Variants in AKT3 observed in about 807,000 individuals in gnomAD.
AKT3 encodes the protein AKT serine/threonine kinase 3, also known as RAC-gamma serine/threonine-protein kinase.
AKT3 carries 15 observed loss-of-function variants against 65.3 expected under a neutral mutation model. The observed-to-expected ratio is 0.23, with a 90% confidence interval of 0.15 to 0.35. AKT3 has a LOEUF of 0.35. Among genes scored for constraint, AKT3 ranks in the 10% least tolerant of loss-of-function variants. The pLI, the probability that AKT3 is intolerant of heterozygous loss-of-function variation, is 1.00. For synonymous variants in AKT3, 206 were observed against 183.8 expected (o/e 1.12, Z -0.98); for missense variants, 243 against 576.5 (o/e 0.42, Z 5.92).
chr1:243,768,100 A>G (rs1689944372), intron 2 of AKT3, among the ~76,000 whole-genome samples: 2 of 151,288 alleles, frequency 1.3e-5, no homozygotes, highest in African/African-American at 4.8e-5. Context: ...AATATTTAGA[A>G]TCAAAAAATA....
chr1:243,568,064 T>G (rs1674298448), intron 9 of AKT3, among the ~76,000 whole-genome samples: 1 of 152,220 alleles, frequency 6.6e-6, no homozygotes, highest in African/African-American at 2.4e-5. Flanking sequence ...CATACATTTT[T>G]AGGAATCTTT....
At chr1:243,587,730 T>C (rs781543444) in intron 8 of AKT3, among the ~76,000 whole-genome samples, 1 of 152,162 alleles carries the variant, frequency 6.6e-6, no homozygotes, top group Non-Finnish European at 1.5e-5. Flanking sequence ...TCCAACCAGG[T>C]TGAAGAAAAA....
intron 2 of AKT3, among the ~76,000 whole-genome samples, chr1:243,772,849 A>G (rs1419624200): frequency 1.3e-5 from 2 of 152,088 alleles, no homozygotes; most frequent in Non-Finnish European, 2.9e-5. Context: ...ATGGAATACT[A>G]TGCAGCCATA....
intron 2 of AKT3, among the ~76,000 whole-genome samples, chr1:243,732,409 C>T (rs1439036310): frequency 3.3e-5 from 5 of 152,296 alleles, no homozygotes; most frequent in South Asian, 4.1e-4. Context: ...GCTGACTGGA[C>T]GTTTCTCAAT....
chr1:243,825,099 G>A (rs961447148), intron 2 of AKT3, among the ~76,000 whole-genome samples: 4 of 152,182 alleles, frequency 2.6e-5, no homozygotes, highest in African/African-American at 9.7e-5. Context: ...CACGTCCTTT[G>A]CAGGAGCATG....
intron 2 of AKT3, among the ~76,000 whole-genome samples, chr1:243,741,014 C>A (rs1457006790): frequency 2.6e-5 from 4 of 152,032 alleles, no homozygotes; most frequent in Non-Finnish European, 4.4e-5. Context: ...CTATGAAATA[C>A]CTGGAAATCT....
At chr1:243,579,601 T>C (rs1011206315) in intron 8 of AKT3, among the ~76,000 whole-genome samples, 7 of 152,050 alleles carry the variant, frequency 4.6e-5, no homozygotes, top group Non-Finnish European at 8.8e-5. Context: ...ACCATTCCTT[T>C]AAAAAAATGG....
At chr1:243,791,671 A>G (rs895907708) in intron 2 of AKT3, among the ~76,000 whole-genome samples, 4 of 152,196 alleles carry the variant, frequency 2.6e-5, no homozygotes, top group African/African-American at 7.2e-5. Flanking sequence ...TTCCCTCGTC[A>G]ACAATTCAGG....
At chr1:243,667,153 T>G (rs561257593) in intron 3 of AKT3, among the ~76,000 whole-genome samples, 45 of 152,320 alleles carry the variant, frequency 3.0e-4, no homozygotes, top group Admixed American at 5.2e-4. Flanking sequence ...TGAACTACTG[T>G]AAGTGGGAGA....
At position 243,501,103 on chromosome 1, in the gene AKT3, T is replaced by TCTGCTTG. The variant is rs1203429346; in HGVS notation, c.*4145_*4146insCAAGCAG. 8.7e-6 allele frequency: 2 copies of TCTGCTTG among 231,128 alleles called. No homozygotes were observed. The highest frequency in any genetic ancestry group is 4.4e-5 in the African/African-American group (2 of 45,240). The allele number at this position is 231,128 out of a possible 1,614,324, so 14.3% of individuals were successfully genotyped here. A position where few individuals can be genotyped will look rare whatever the true frequency, so the allele number is the denominator to read the frequency against. The stretch of plus-strand genomic sequence containing the variant: ...CAAATTTGGCCGTGTGACATACACA[T>TCTGCTTG]ACATGCTTGACTCACTCTGGTCCCA... On this transcript the variant is annotated 3_prime_UTR_variant, in exon 14 of 14. Coordinates refer to ENST00000673466, the MANE Select transcript of AKT3 (RefSeq NM_005465.7).
chr1:243,544,068 C>T (rs1390384920), intron 12 of AKT3, among the ~76,000 whole-genome samples: 1 of 151,736 alleles, frequency 6.6e-6, no homozygotes. Flanking sequence ...ATAAATGTTT[C>T]AGAGAAAAAT....
chr1:243,845,077 T>C (rs1695454512), intron 1 of AKT3, among the ~76,000 whole-genome samples: 1 of 152,184 alleles, frequency 6.6e-6, no homozygotes, highest in Non-Finnish European at 1.5e-5. Context: ...AAGTTCAGTG[T>C]TAGACTCCCA....
At chr1:243,850,986 C>G (rs1695764064), upstream of AKT3, 1 of 152,182 alleles carries the variant, frequency 6.6e-6, no homozygotes, top group African/African-American at 2.4e-5. Flanking sequence ...CGCCAGGCCC[C>G]GGGCGTCTCC....
intron 2 of AKT3, among the ~76,000 whole-genome samples, chr1:243,802,015 T>G (rs965594373): frequency 6.6e-6 from 1 of 152,192 alleles, no homozygotes; most frequent in Admixed American, 6.5e-5. Context: ...GGCTAATATA[T>G]ATGGAAAATA....
chr1:243,715,677 T>C (rs1158068836), intron 2 of AKT3, among the ~76,000 whole-genome samples: 1 of 151,998 alleles, frequency 6.6e-6, no homozygotes, highest in Admixed American at 6.6e-5. Context: ...TCTTGTTAAA[T>C]AAACGAGGGA....
chr1:243,569,626 T>C (rs975228478), intron 9 of AKT3, among the ~76,000 whole-genome samples: 1 of 152,210 alleles, frequency 6.6e-6, no homozygotes, highest in African/African-American at 2.4e-5. Flanking sequence ...TACCTAAATT[T>C]ATTTGGTGCT....
chr1:243,826,722 A>G (rs922162063), intron 2 of AKT3, among the ~76,000 whole-genome samples: 3 of 152,128 alleles, frequency 2.0e-5, no homozygotes, highest in Non-Finnish European at 4.4e-5. Context: ...CCGCCCACCT[A>G]TACCCTTAAG....
intron 6 of AKT3, among the ~76,000 whole-genome samples, chr1:243,628,264 G>T (rs771410868): frequency 1.3e-5 from 2 of 152,084 alleles, no homozygotes; most frequent in Non-Finnish European, 2.9e-5. Flanking sequence ...ATGTGCTGAG[G>T]AATGCAAGAA....
chr1:243,806,939 G>C (rs2148384142), intron 2 of AKT3, among the ~76,000 whole-genome samples: 1 of 152,190 alleles, frequency 6.6e-6, no homozygotes, highest in Non-Finnish European at 1.5e-5. Context: ...CCATTAAAAA[G>C]CAATTTCCCT....
Sources: allele counts gnomAD v4.1 joint callset (sites outside exome capture counted in the v4.1 genomes callset), GRCh38; gene constraint gnomAD v4.1.1; transcripts MANE v1.5; gene names NCBI Gene and HGNC (gene_info 2026-07-23, HGNC 2026-07-21).